The following ERICH6B variants were observed in gnomAD, a reference collection of about 807,000 sequenced individuals.
ERICH6B encodes the protein glutamate rich 6B.
Under a neutral mutation model 80.0 loss-of-function variants are expected in ERICH6B, and 69 were observed. The ratio of observed to expected loss-of-function variants is 0.86; its 90% CI spans 0.71 to 1.05. ERICH6B has a LOEUF of 1.05. Among genes scored for constraint, ERICH6B ranks in the 50% least tolerant of loss-of-function variants. The pLI, the probability that ERICH6B is intolerant of heterozygous loss-of-function variation, is 0.00. For synonymous variants in ERICH6B, 283 were observed against 291.9 expected (o/e 0.97, Z 0.31); for missense variants, 754 against 796.1 (o/e 0.95, Z 0.64).
rs374556069 is a variant in ERICH6B at position 45,574,507 on chromosome 13, G to A, written c.1050+335C>T. On this transcript the variant is annotated intron_variant, in intron 8 of 14. Coordinates refer to ENST00000298738, the MANE Select transcript of ERICH6B (RefSeq NM_182542.3). ...GTTCTGTGTCTCTCTGCAGGGTGGT[G>A]GTGGTCACAGGCCTGCAGAGATGGG... 9.9e-5 allele frequency among the ~76,000 whole-genome samples: 15 copies of A among 152,266 alleles called. No homozygotes were observed. In the East Asian group the frequency reaches 2.5e-3, roughly 25 times the overall value.
intron 2 of ERICH6B, among the ~76,000 whole-genome samples, chr13:45,598,453 G>T (rs78811484): frequency 0.02 from 3,021 of 152,218 alleles, 95 homozygotes; most frequent in African/African-American, 0.069. Context: ...GAATCCTTCT[G>T]CTTGCTTTGG....
intron 2 of ERICH6B, among the ~76,000 whole-genome samples, chr13:45,604,987 G>A (rs1382418955): frequency 1.3e-5 from 2 of 152,152 alleles, no homozygotes. Context: ...TGCTGGCTGG[G>A]CCAAGCTTTT....
intron 11 of ERICH6B, 52 bp downstream of exon 11, chr13:45,561,317 C>T (rs1439638623): frequency 1.3e-6 from 2 of 1,529,640 alleles, no homozygotes; most frequent in Admixed American, 4.1e-5. Context: ...CTCACCAGAG[C>T]CAAAAAAAAT....
At chr13:45,590,281 T>C (rs1876104014) in intron 4 of ERICH6B, among the ~76,000 whole-genome samples, 1 of 151,926 alleles carries the variant, frequency 6.6e-6, no homozygotes, top group Non-Finnish European at 1.5e-5. Flanking sequence ...TGCCTGAGCC[T>C]ATTCTCTTCC....
rs1875616278 is a variant in ERICH6B at position 45,580,630 on chromosome 13, C to T, written c.892G>A (p.Glu298Lys). The change falls in exon 6 of 15, where the codon GAA (glutamate) becomes AAA (lysine). Residue 298 changes from glutamate (E) to lysine (K), a missense_variant. Physicochemically the swap from Glu to Lys is moderately conservative, Grantham distance 56. Transcript: ENST00000298738. ...TCCGGAGCCAGCTTCGTGGTGGTTT[C>T]TTGCTCTGTTTCTGATTTCGATTTT... ...SLKSKSETEQ[E>K]TTTKLAPEEH... The T allele has an allele frequency of 3.2e-6, 5 of 1,551,562 alleles. No individual in the cohort carries two copies. The highest frequency in any genetic ancestry group is 4.4e-6 in the Non-Finnish European group (5 of 1,147,008).
At chr13:45,574,963 G>C in intron 7 of ERICH6B, 33 bp from the exon 8 acceptor site, 5 of 1,422,666 alleles carry the variant, frequency 3.5e-6, no homozygotes, top group African/African-American at 1.4e-5. Context: ...CGAAAGGAAG[G>C]GCATGTGGAA....
chr13:45,546,811 C>T (rs539267955), intron 13 of ERICH6B, among the ~76,000 whole-genome samples: 2 of 152,278 alleles, frequency 1.3e-5, no homozygotes, highest in East Asian at 3.9e-4. Context: ...GAGAAGGTGG[C>T]TCAGAGGCCT....
chr13:45,545,225 G>C (rs1873947767), intron 13 of ERICH6B, among the ~76,000 whole-genome samples: 1 of 152,104 alleles, frequency 6.6e-6, no homozygotes, highest in Non-Finnish European at 1.5e-5. Flanking sequence ...GCACACACAG[G>C]CTCTTCCTGC....
intron 8 of ERICH6B, among the ~76,000 whole-genome samples, chr13:45,570,274 A>G (rs1238387516): frequency 2.0e-5 from 3 of 152,110 alleles, no homozygotes; most frequent in Non-Finnish European, 4.4e-5. Context: ...TTTCACAGCA[A>G]GGTTTGTGAT....
At chr13:45,585,130 A>T (rs1172476643) in intron 5 of ERICH6B, among the ~76,000 whole-genome samples, 1 of 152,130 alleles carries the variant, frequency 6.6e-6, no homozygotes, top group Non-Finnish European at 1.5e-5. Context: ...TTTGGAGTGA[A>T]AACTGGAGCA....
rs939502948 is a variant in ERICH6B at position 45,542,912 on chromosome 13, C to T, written c.1873-1232G>A. On this transcript the variant is annotated intron_variant, in intron 14 of 14. Transcript: ENST00000298738. Reference sequence around the variant, plus strand: ...GGAAACTCCTCAGTCCTGAGCAAACCGACGTGTCTGGCCACCCTAAACCTA... The same window carrying T: ...GGAAACTCCTCAGTCCTGAGCAAACTGACGTGTCTGGCCACCCTAAACCTA... 1.1e-4 allele frequency among the ~76,000 whole-genome samples: 16 copies of T among 152,344 alleles called. No individual in the cohort carries two copies. The East Asian group carries it at 2.1e-3, about 20-fold the overall frequency.
chr13:45,581,983 A>G (rs1202894549), intron 5 of ERICH6B, among the ~76,000 whole-genome samples: 1 of 152,216 alleles, frequency 6.6e-6, no homozygotes, highest in South Asian at 2.1e-4. Flanking sequence ...CTAGGATTGC[A>G]TTAGTGTCCT....
intron 1 of ERICH6B, 71 bp downstream of exon 1, chr13:45,615,614 G>C (rs549537533): frequency 6.5e-6 from 1 of 152,826 alleles, no homozygotes; most frequent in South Asian, 2.1e-4. Context: ...AGAGGAGGAG[G>C]AGAGTGGGTG....
intron 12 of ERICH6B, 58 bp from the exon 13 acceptor site, chr13:45,550,103 G>A (rs1874156872): frequency 3.2e-6 from 5 of 1,544,436 alleles, no homozygotes; most frequent in Middle Eastern, 1.7e-4. Context: ...AAAAGGTAGG[G>A]CCCTGCAGAT....
At chr13:45,563,986 G>T (rs971865743) in intron 9 of ERICH6B, among the ~76,000 whole-genome samples, 198 bp from the exon 10 acceptor site, 10 of 152,152 alleles carry the variant, frequency 6.6e-5, no homozygotes, top group African/African-American at 2.4e-4. Flanking sequence ...TCCATTTAGT[G>T]CTTCCCTCAT....
At chr13:45,576,258 C>G (rs1875398975) in intron 7 of ERICH6B, among the ~76,000 whole-genome samples, 1 of 152,220 alleles carries the variant, frequency 6.6e-6, no homozygotes, top group Admixed American at 6.5e-5. Flanking sequence ...TGGCTTGTGC[C>G]TGACAGACTT....
At chr13:45,590,506 T>G (rs1171431882) in intron 4 of ERICH6B, 143 bp downstream of exon 4, 1 of 710,174 alleles carries the variant, frequency 1.4e-6, no homozygotes, top group South Asian at 2.1e-5. Flanking sequence ...GCGAGCAGGG[T>G]TGTAACTTCC....
intron 2 of ERICH6B, among the ~76,000 whole-genome samples, chr13:45,606,541 ATATATATTTTTTTTTTTT>A (rs1949866277): frequency 8.7e-5 from 1 of 11,542 alleles, no homozygotes; most frequent in Non-Finnish European, 2.0e-4. Flanking sequence ...ATATATATAT[ATATATATTTTTTTTTTTT>A]TTTTTTTTTT....
In ERICH6B at chr13:45,574,949, G is replaced by A. The variant is rs1411975874; in HGVS notation, c.962-19C>T. The A allele has an allele frequency of 6.6e-7, 1 of 1,514,962 alleles. No individual in the cohort carries two copies. The allele number at this position is 1,514,962 out of a possible 1,614,324, so 93.8% of individuals were successfully genotyped here. A position where few individuals can be genotyped will look rare whatever the true frequency, so the allele number is the denominator to read the frequency against. Reference sequence around the variant, plus strand: ...TCCAGGACTTTCGATTTTGGAAGGAGCGTCGAAAGGAAGGGCATGTGGAAA... The same window carrying A: ...TCCAGGACTTTCGATTTTGGAAGGAACGTCGAAAGGAAGGGCATGTGGAAA... On this transcript the variant is annotated intron_variant, in intron 7 of 14. Coordinates refer to ENST00000298738, the MANE Select transcript of ERICH6B (RefSeq NM_182542.3).
Sources: allele counts gnomAD v4.1 joint callset (sites outside exome capture counted in the v4.1 genomes callset), GRCh38; gene constraint gnomAD v4.1.1; transcripts MANE v1.5; gene names NCBI Gene and HGNC (gene_info 2026-07-23, HGNC 2026-07-21).